The following CAPN13 variants were observed in gnomAD, a reference collection of about 807,000 sequenced individuals.
The protein encoded by CAPN13 is calpain 13.
In CAPN13, 90 loss-of-function variants were observed where a neutral mutation model predicts 98.4. That is an observed-to-expected ratio of 0.92 (90% CI 0.77 to 1.09). CAPN13 has a LOEUF of 1.09. Among genes scored for constraint, CAPN13 ranks in the 50% least tolerant of loss-of-function variants. The probability of loss-of-function intolerance (pLI) is 0.00; values close to 1 mark genes in which losing one functional copy is unlikely to be tolerated. For missense variants in CAPN13, 887 were observed against 841.3 expected (o/e 1.05, Z -0.67); for synonymous variants, 330 against 305.5 (o/e 1.08, Z -0.84).
intron 5 of CAPN13, among the ~76,000 whole-genome samples, chr2:30,769,283 T>C (rs556876072): frequency 1.3e-5 from 2 of 152,128 alleles, no homozygotes; most frequent in African/African-American, 2.4e-5. Context: ...AAGCTAAGTA[T>C]TGTCGGGTTG....
intron 7 of CAPN13, among the ~76,000 whole-genome samples, chr2:30,758,809 TTC>T (rs1558314719): frequency 1.5e-5 from 1 of 65,650 alleles, no homozygotes; most frequent in African/African-American, 6.4e-5. Flanking sequence ...CCTCCCTCCC[TTC>T]CCTTCCTCCC....
intron 20 of CAPN13, among the ~76,000 whole-genome samples, chr2:30,731,713 C>T (rs754567503): frequency 6.6e-6 from 1 of 152,186 alleles, no homozygotes; most frequent in Non-Finnish European, 1.5e-5. Flanking sequence ...GAGGGCTTGT[C>T]ATTCTTTCAG....
At position 30,758,051 on chromosome 2, in the gene CAPN13, A is replaced by G; in HGVS notation, c.861T>C (p.Ser287=). 1 of 1,605,210 alleles carries G rather than the reference A, an allele frequency of 6.2e-7. No individual in the cohort carries two copies. Among genetic ancestry groups the G allele is most frequent in the Non-Finnish European group, 8.5e-7 (1 of 1,176,744 alleles). ...GAGGTTTCCAGAAGCCATACCCATC[A>G]CTCCAGCGCCCTCTCCATTCGGCCT... is the stretch of plus-strand genomic sequence containing the variant. The part of the protein sequence containing the change: ...WGEAEWRGRW[S]DGSQEWEETC... Residue 287 remains serine (S), a synonymous_variant, in exon 8 of 23, where the codon AGT becomes AGC. Transcript: ENST00000295055.
chr2:30,730,779 C>T lies in CAPN13; in HGVS notation c.1991G>A (p.Ser664Asn), dbSNP rs1281103601. The T allele has an allele frequency of 2.6e-6, 2 of 780,878 alleles. No individual in the cohort carries two copies. The highest frequency in any genetic ancestry group is 4.8e-6 in the Non-Finnish European group (2 of 417,972). The allele number at this position is 780,878 out of a possible 1,614,324, so 48.4% of individuals were successfully genotyped here. A position where few individuals can be genotyped will look rare whatever the true frequency, so the allele number is the denominator to read the frequency against. ...GLYLTEMEWM[S>N]LVMYN is the part of the protein sequence containing the mutation. ...TTTGCTTCAGTTGTACATGACCAGG[C>T]TCATCCACTGAAAAATAAGCATCAT... is the stretch of plus-strand genomic sequence containing the variant. The change falls in exon 22 of 23, where the codon AGC (serine) becomes AAC (asparagine). Residue 664 changes from serine to asparagine, a missense_variant. By Grantham distance (46) the Ser-to-Asn change is conservative. Transcript: ENST00000295055.
At chr2:30,757,247 A>G (rs985368662) in intron 8 of CAPN13, among the ~76,000 whole-genome samples, 2 of 152,252 alleles carry the variant, frequency 1.3e-5, no homozygotes, top group African/African-American at 4.8e-5. Flanking sequence ...CAGAGGAGCA[A>G]GTAACCTGTT....
intron 19 of CAPN13, among the ~76,000 whole-genome samples, chr2:30,733,962 C>T (rs1427696996): frequency 1.3e-5 from 2 of 152,160 alleles, no homozygotes; most frequent in African/African-American, 4.8e-5. Flanking sequence ...AGAACTTATG[C>T]ACCCTAAGGA....
intron 11 of CAPN13, among the ~76,000 whole-genome samples, chr2:30,746,990 C>T (rs889935635): frequency 6.6e-6 from 1 of 152,182 alleles, no homozygotes; most frequent in East Asian, 1.9e-4. Flanking sequence ...TCCCTAACAT[C>T]GGGAGCTTCC....
intron 17 of CAPN13, chr2:30,737,321 T>C (rs1283286183): frequency 6.6e-6 from 1 of 152,404 alleles, no homozygotes; most frequent in Non-Finnish European, 1.5e-5. Context: ...CAGTCCCAAT[T>C]CAGCCTTGTC....
Position 30,758,148 on chromosome 2 carries a change from A to T in CAPN13, c.775-11T>A. 6.3e-7 allele frequency: 1 copy of T among 1,582,344 alleles called. No individual in the cohort carries two copies. The highest frequency in any genetic ancestry group is 1.2e-5 in the South Asian group (1 of 85,594). On this transcript the variant is annotated splice_polypyrimidine_tract_variant and intron_variant, in intron 7 of 22. Transcript: ENST00000295055. ...CCTTCGGTATTGAATCTGTAAAGAA[A>T]ACAGAAAAGGAAACTCAGTGCTCTA...
At chr2:30,748,761 T>G (rs1299671046) in intron 11 of CAPN13, among the ~76,000 whole-genome samples, 1 of 152,168 alleles carries the variant, frequency 6.6e-6, no homozygotes, top group Non-Finnish European at 1.5e-5. Flanking sequence ...AACGGTGTAC[T>G]ACTGCATCCT....
intron 18 of CAPN13, among the ~76,000 whole-genome samples, chr2:30,734,967 A>C (rs1003412278): frequency 1.3e-5 from 2 of 152,240 alleles, no homozygotes; most frequent in African/African-American, 4.8e-5. Flanking sequence ...GGCTAATTAC[A>C]GTGCCTACCT....
chr2:30,791,933 A>T (rs1440473041), intron 1 of CAPN13, among the ~76,000 whole-genome samples: 1 of 152,192 alleles, frequency 6.6e-6, no homozygotes, highest in African/African-American at 2.4e-5. Flanking sequence ...CAGATAAATC[A>T]CCTAAATTAC....
intron 1 of CAPN13, among the ~76,000 whole-genome samples, chr2:30,797,179 C>G (rs568973787): frequency 1.4e-4 from 22 of 152,250 alleles, no homozygotes; most frequent in African/African-American, 5.1e-4. Flanking sequence ...TCAGACTCAG[C>G]CCCTGCAGCC....
intron 9 of CAPN13, among the ~76,000 whole-genome samples, chr2:30,753,810 T>C (rs1033744868): frequency 6.6e-6 from 1 of 152,184 alleles, no homozygotes; most frequent in Non-Finnish European, 1.5e-5. Flanking sequence ...GATGTGAGCA[T>C]ATGGCCGAGA....
chr2:30,732,171 G>A (rs1443633482), intron 20 of CAPN13, among the ~76,000 whole-genome samples: 1 of 152,176 alleles, frequency 6.6e-6, no homozygotes, highest in African/African-American at 2.4e-5. Context: ...CCTGGAGACG[G>A]GGACAGCGTT....
At chr2:30,782,624 C>G (rs1232250376) in intron 2 of CAPN13, among the ~76,000 whole-genome samples, 1 of 152,210 alleles carries the variant, frequency 6.6e-6, no homozygotes, top group African/African-American at 2.4e-5. Flanking sequence ...GAAGATGTCA[C>G]TGGGATAGGC....
At chr2:30,742,201 G>C (rs1358831805) in intron 14 of CAPN13, 125 bp downstream of exon 14, 43 of 1,234,378 alleles carry the variant, frequency 3.5e-5, no homozygotes, top group African/African-American at 7.5e-5. Flanking sequence ...GCCTTCATCG[G>C]CCTATCATGG....
In CAPN13 at chr2:30,787,251, C is replaced by G. The variant is rs371887475; in HGVS notation, c.75G>C (p.Arg25=). Residue 25 remains arginine (R), a synonymous_variant, in exon 2 of 23, where the codon CGG becomes CGC. Transcript: ENST00000295055. ...KFKDQDFTTL[R]DHCLSMGRTF... is the part of the protein sequence containing the mutation. Reference sequence around the variant, plus strand: ...TCCGGCCCATGCTCAGGCAGTGATCCCGCAAGGTGGTAAAGTCCTGGTCTT... The same window carrying G: ...TCCGGCCCATGCTCAGGCAGTGATCGCGCAAGGTGGTAAAGTCCTGGTCTT... 9 of 1,612,998 alleles carry G rather than the reference C, an allele frequency of 5.6e-6. No individual in the cohort carries two copies. The African/African-American group carries it at 1.2e-4, about 22-fold the overall frequency.
intron 21 of CAPN13, among the ~76,000 whole-genome samples, chr2:30,731,036 C>T (rs1671056683): frequency 6.6e-6 from 1 of 152,208 alleles, no homozygotes; most frequent in South Asian, 2.1e-4. Flanking sequence ...GCCTCTAAAA[C>T]TCAATGGGAA....
Sources: gnomAD v4.1 joint callset for allele counts (sites outside exome capture counted in the v4.1 genomes callset) on GRCh38, gnomAD v4.1.1 for gene constraint, MANE v1.5 for transcripts, NCBI Gene and HGNC (gene_info 2026-07-23, HGNC 2026-07-21) for gene names.